Variants in TTC28 observed in about 807,000 individuals in gnomAD.
TTC28 encodes the protein tetratricopeptide repeat domain 28.
TTC28 carries 61 observed loss-of-function variants against 198.0 expected under a neutral mutation model. The ratio of observed to expected loss-of-function variants is 0.31; its 90% CI spans 0.25 to 0.38. The LOEUF (loss-of-function observed/expected upper bound fraction) is 0.38, where lower values mean the gene tolerates loss of function less well. Among genes scored for constraint, TTC28 ranks in the 10% least tolerant of loss-of-function variants. The probability of loss-of-function intolerance (pLI) is 1.00; values close to 1 mark genes in which losing one functional copy is unlikely to be tolerated. For missense variants in TTC28, 2,678 were observed against 3,164.0 expected (o/e 0.85, Z 3.69); for synonymous variants, 1,171 against 1,297.8 (o/e 0.90, Z 2.10).
chr22:28,208,652 A>C (rs1601477998), intron 5 of TTC28, among the ~76,000 whole-genome samples: 2 of 152,204 alleles, frequency 1.3e-5, no homozygotes, highest in Non-Finnish European at 2.9e-5. Flanking sequence ...CTCTATATAA[A>C]TTACTATGCT....
At chr22:28,379,186 G>T (rs566891780) in intron 2 of TTC28, among the ~76,000 whole-genome samples, 7 of 152,042 alleles carry the variant, frequency 4.6e-5, no homozygotes, top group African/African-American at 1.7e-4. Context: ...TATAATTTCA[G>T]ACATATAAAA....
intron 6 of TTC28, among the ~76,000 whole-genome samples, chr22:28,123,197 C>T (rs912020630): frequency 6.6e-6 from 1 of 151,916 alleles, no homozygotes; most frequent in African/African-American, 2.4e-5. Context: ...TCTCTTTGTT[C>T]TTTCCTTCTG....
chr22:28,270,083 G>T lies in TTC28; in HGVS notation c.933+26115C>A, dbSNP rs923313349. 2.6e-5 allele frequency among the ~76,000 whole-genome samples: 4 copies of T among 152,246 alleles called. No individual in the cohort carries two copies. The South Asian group carries it at 8.3e-4, about 32-fold the overall frequency. On this transcript the variant is annotated intron_variant, in intron 5 of 22. Transcript: ENST00000397906. ...CATGACCCATGACACAGCCCCAGGG[G>T]GTCCTGACAACATGTGCCCAACGTG...
Position 27,999,026 on chromosome 22 carries a change from A to C in TTC28, c.4633T>G (p.Phe1545Val). Residue 1545 changes from phenylalanine (F) to valine (V), a missense_variant, in exon 16 of 23, where the codon TTT (phenylalanine) becomes GTT (valine). Physicochemically the swap from Phe to Val is conservative, Grantham distance 50. This residue lies in a region of TTC28 where 727 missense variants were observed against 861.9 expected (regional missense o/e 0.84). Coordinates refer to ENST00000397906, the MANE Select transcript of TTC28 (RefSeq NM_001145418.2). ...SALTQAECVH[F>V]ATHISWKLSA... ...AGCTTCCAGGAGATGTGGGTGGCAA[A>C]GTGGACGCATTCAGCCTGGGTCAGG... 6.5e-7 allele frequency: 1 copy of C among 1,550,334 alleles called. No individual in the cohort carries two copies. The highest frequency in any genetic ancestry group is 8.7e-7 in the Non-Finnish European group (1 of 1,146,956).
chr22:28,249,839 G>T (rs1259625685), intron 5 of TTC28, among the ~76,000 whole-genome samples: 2 of 152,158 alleles, frequency 1.3e-5, no homozygotes, highest in African/African-American at 2.4e-5. Flanking sequence ...TGAAAACTCA[G>T]TTCTGAGACA....
At chr22:28,316,155 A>C (rs2045347688) in intron 2 of TTC28, among the ~76,000 whole-genome samples, 1 of 152,132 alleles carries the variant, frequency 6.6e-6, no homozygotes, top group Admixed American at 6.6e-5. Flanking sequence ...TGTTTGGGCA[A>C]GTCACCTGTG....
At chr22:28,531,310 G>T (rs1168025071) in intron 2 of TTC28, among the ~76,000 whole-genome samples, 1 of 152,136 alleles carries the variant, frequency 6.6e-6, no homozygotes, top group Admixed American at 6.6e-5. Flanking sequence ...AAGACACAAA[G>T]AAGGCCATTA....
At chr22:28,054,713 G>C (rs2146715487) in intron 12 of TTC28, among the ~76,000 whole-genome samples, 1 of 152,202 alleles carries the variant, frequency 6.6e-6, no homozygotes, top group Non-Finnish European at 1.5e-5. Flanking sequence ...TACACCCTTG[G>C]AATGTTCCAT....
intron 2 of TTC28, among the ~76,000 whole-genome samples, chr22:28,363,585 T>C (rs1419172769): frequency 6.6e-6 from 1 of 151,990 alleles, no homozygotes; most frequent in African/African-American, 2.4e-5. Flanking sequence ...GAATAGTAGA[T>C]CCACTGACAG....
intron 5 of TTC28, among the ~76,000 whole-genome samples, chr22:28,246,152 CGAAGG>C (rs1426219960): frequency 6.6e-6 from 1 of 152,052 alleles, no homozygotes; most frequent in Non-Finnish European, 1.5e-5. Context: ...ATTTGTTAAA[CGAAGG>C]AATACAATGT....
intron 2 of TTC28, among the ~76,000 whole-genome samples, chr22:28,527,219 G>C (rs1306454828): frequency 6.6e-6 from 1 of 152,142 alleles, no homozygotes; most frequent in Non-Finnish European, 1.5e-5. Context: ...ACTCAACACA[G>C]ATACTGCACA....
intron 5 of TTC28, among the ~76,000 whole-genome samples, chr22:28,267,557 C>T (rs1343035806): frequency 6.6e-6 from 1 of 152,092 alleles, no homozygotes; most frequent in East Asian, 1.9e-4. Flanking sequence ...CTTTTGTAAA[C>T]AAGAGAAATA....
At chr22:27,991,841 C>T (rs1937421826) in intron 19 of TTC28, among the ~76,000 whole-genome samples, 1 of 152,160 alleles carries the variant, frequency 6.6e-6, no homozygotes, top group South Asian at 2.1e-4. Flanking sequence ...TGGAACCCGC[C>T]GAACTCCTGA....
At chr22:28,099,541 G>C (rs1223510981) in intron 9 of TTC28, among the ~76,000 whole-genome samples, 1 of 152,158 alleles carries the variant, frequency 6.6e-6, no homozygotes, top group Non-Finnish European at 1.5e-5. Flanking sequence ...ACCTCAGTTA[G>C]AACCTGACAC....
At chr22:28,030,919 C>T (rs923469899) in intron 12 of TTC28, among the ~76,000 whole-genome samples, 1 of 152,224 alleles carries the variant, frequency 6.6e-6, no homozygotes, top group African/African-American at 2.4e-5. Context: ...GCAATGCTAG[C>T]AGGGCAGGCA....
At chr22:28,037,770 C>T (rs1254143991) in intron 12 of TTC28, among the ~76,000 whole-genome samples, 1 of 152,144 alleles carries the variant, frequency 6.6e-6, no homozygotes, top group East Asian at 1.9e-4. Flanking sequence ...TAGAAAACCC[C>T]ATCGTCTCAG....
At chr22:28,173,326 C>A (rs540934333) in intron 5 of TTC28, among the ~76,000 whole-genome samples, 2 of 152,164 alleles carry the variant, frequency 1.3e-5, no homozygotes, top group Non-Finnish European at 2.9e-5. Flanking sequence ...TGGGGAATCA[C>A]AGGCTCCACC....
chr22:28,017,267 G>A (rs145417403), intron 13 of TTC28, among the ~76,000 whole-genome samples: 1 of 152,360 alleles, frequency 6.6e-6, no homozygotes, highest in African/African-American at 2.4e-5. Flanking sequence ...AAAATGCCAT[G>A]AGTGCCAGAG....
At chr22:28,451,733 C>T (rs1471867293) in intron 2 of TTC28, among the ~76,000 whole-genome samples, 1 of 152,160 alleles carries the variant, frequency 6.6e-6, no homozygotes, top group East Asian at 1.9e-4. Context: ...CATAACAATG[C>T]TATGACTATG....
Sources: allele counts gnomAD v4.1 joint callset (sites outside exome capture counted in the v4.1 genomes callset), GRCh38; gene constraint gnomAD v4.1.1; regional missense constraint gnomAD v4.1.1; transcripts MANE v1.5; gene names NCBI Gene and HGNC (gene_info 2026-07-23, HGNC 2026-07-21).